AHNAK2: variants seen among roughly 807,000 people sequenced by gnomAD.
AHNAK2 encodes the protein protein AHNAK2.
Under a neutral mutation model 30.7 loss-of-function variants are expected in AHNAK2, and 18 were observed. That is an observed-to-expected ratio of 0.59 (90% CI 0.41 to 0.87). The LOEUF (loss-of-function observed/expected upper bound fraction) is 0.87, where lower values mean the gene tolerates loss of function less well. Ranked by LOEUF, AHNAK2 falls within the 40% of genes least tolerant of loss-of-function variation. The pLI is 0.00. For missense variants in AHNAK2, 8,604 were observed against 7,373.0 expected (o/e 1.17, Z -6.11); for synonymous variants, 3,590 against 3,073.8 (o/e 1.17, Z -5.56).
chr14:104,949,084 C>T lies in AHNAK2; in HGVS notation c.6367G>A (p.Val2123Ile), dbSNP rs369582582. ...TCCAGCTTGGCTCTTGGGGCCTGGA[C>T]GTCCACCTCCATGCTGGGCAGAGAC... The part of the protein sequence containing the change: ...EVSLPSMEVD[V>I]QAPRAKLDSA... The change falls in exon 7 of 7, where the codon GTC (valine) becomes ATC (isoleucine). Residue 2123 changes from valine to isoleucine, a missense_variant. Physicochemically the swap from Val to Ile is conservative, Grantham distance 29. Coordinates refer to ENST00000333244, the MANE Select transcript of AHNAK2 (RefSeq NM_138420.4). 1.5e-5 allele frequency: 16 copies of T among 1,069,766 alleles called. 3 individuals carry two copies. The highest frequency in any genetic ancestry group is 7.0e-5 in the African/African-American group (5 of 71,090). The allele number at this position is 1,069,766 out of a possible 1,614,324, so 66.3% of individuals were successfully genotyped here. A position where few individuals can be genotyped will look rare whatever the true frequency, so the allele number is the denominator to read the frequency against.
Position 104,948,560 on chromosome 14 carries a change from AC to A in AHNAK2, c.6890del (p.Gly2297ValfsTer15), listed in dbSNP as rs1566910008. On this transcript the variant is annotated frameshift_variant, in exon 7 of 7. Transcript: ENST00000333244. LOFTEE classifies it low-confidence loss of function (END_TRUNC). ...DVKAPGAKLD[G>X]ARLEGDMSLA... ...GGGACATGTCCCCCTCCAGCCGCGC[AC>A]CATCCAGCTTGGCTCCTGGGGCCTT... The A allele has an allele frequency of 1.2e-6, 2 of 1,612,186 alleles. No individual in the cohort carries two copies. The highest frequency in any genetic ancestry group is 2.2e-5 in the South Asian group (2 of 91,042).
rs367546618 is a variant in AHNAK2 at position 104,957,605 on chromosome 14, C to T, written c.114+9G>A. On this transcript the variant is annotated intron_variant, in intron 2 of 6. Transcript: ENST00000333244. ...TGAGGAGGACACACTTCCTCCTGCT[C>T]TCACTTACAGAGTGGTCATCTTCCG... is the stretch of plus-strand genomic sequence containing the variant. 1.9e-6 allele frequency: 3 copies of T among 1,610,172 alleles called. No homozygotes were observed. The East Asian group carries it at 6.7e-5, about 36-fold the overall frequency.
At position 104,950,936 on chromosome 14, in the gene AHNAK2, C is replaced by A. The variant is rs202245210; in HGVS notation, c.4515G>T (p.Val1505=). The A allele has an allele frequency of 2.0e-3, 3,149 of 1,540,172 alleles. 252 individuals carry two copies. In the African/African-American group the frequency reaches 0.034, roughly 17 times the overall value. ...MPKFKMPSFG[V]SAPGKSIEAS... ...CCTCGATGGACTTGCCTGGGGCAGA[C>A]ACCCCGAACGACGGCATCTTGAACT... The change falls in exon 7 of 7, where the codon GTG becomes GTT. Residue 1505 remains valine (V), a synonymous_variant. Transcript: ENST00000333244.
chr14:104,938,828 G>A lies in AHNAK2; in HGVS notation c.16623C>T (p.His5541=). 1 of 1,613,962 alleles carries A rather than the reference G, an allele frequency of 6.2e-7. No homozygotes were observed. The stretch of plus-strand genomic sequence containing the variant: ...CTTCTGTGCCCTCCTGAGTCCTAGA[G>A]TGTTGAGTCATTGTTGTGTACACTC... ...QARVYTTMTQ[H]SRTQEGTEEA... Residue 5541 remains histidine, a synonymous_variant, in exon 7 of 7, where the codon CAC becomes CAT. Transcript: ENST00000333244.
At position 104,953,027 on chromosome 14, in the gene AHNAK2, T is replaced by C; in HGVS notation, c.2424A>G (p.Ala808=). 6.2e-7 allele frequency: 1 copy of C among 1,612,468 alleles called. No homozygotes were observed. Among genetic ancestry groups the C allele is most frequent in the South Asian group, 1.1e-5 (1 of 91,026 alleles). Residue 808 remains alanine (A), a synonymous_variant, in exon 7 of 7, where the codon GCA becomes GCG. Transcript: ENST00000333244. ...CCTCCAGCCGCGCACCATCCAGCTT[T>C]GCTCTCGGGGCCTGGACGTCCACCT... The part of the protein sequence containing the change: ...SMEVDVQAPR[A]KLDGARLEGD...
intron 1 of AHNAK2, among the ~76,000 whole-genome samples, chr14:104,972,536 C>T (rs997241393): frequency 2.6e-5 from 4 of 152,178 alleles, no homozygotes; most frequent in African/African-American, 4.8e-5. Context: ...ACCCCAGCTA[C>T]GCCCACCTCA....
chr14:104,947,137 C>T lies in AHNAK2; in HGVS notation c.8314G>A (p.Val2772Met), dbSNP rs1476158732. The change falls in exon 7 of 7, where the codon GTG (valine) becomes ATG (methionine). Residue 2772 changes from valine (V) to methionine (M), a missense_variant. By Grantham distance (21) the Val-to-Met change is conservative (BLOSUM62 1). Coordinates refer to ENST00000333244, the MANE Select transcript of AHNAK2 (RefSeq NM_138420.4). ...GPKAEVTAPD[V>M]KMSLSSMEVD... Reference sequence around the variant, plus strand: ...TCCATGCTGGACAGAGACATCTTCACATCGGGGGCTGTCACTTCCGCCTTG... The same window carrying T: ...TCCATGCTGGACAGAGACATCTTCATATCGGGGGCTGTCACTTCCGCCTTG... 5 of 1,611,926 alleles carry T rather than the reference C, an allele frequency of 3.1e-6. No homozygotes were observed. Among genetic ancestry groups the T allele is most frequent in the Admixed American group, 1.7e-5 (1 of 59,794 alleles).
At position 104,951,113 on chromosome 14, in the gene AHNAK2, T is replaced by G. The variant is rs1003374908; in HGVS notation, c.4338A>C (p.Glu1446Asp). 1 of 1,065,306 alleles carries G rather than the reference T, an allele frequency of 9.4e-7. No homozygotes were observed. The highest frequency in any genetic ancestry group is 2.1e-5 in the Admixed American group (1 of 46,970). 66.0% of individuals were successfully genotyped at this position (1,065,306 alleles called of 1,614,324 possible). ...PKLDLKDPKV[E>D]VTAPDVEVSL... Reference sequence around the variant, plus strand: ...AAACCTCCACATCAGGGGCTGTCACTTCCACCTTGGGGTCTTTTAGGTCCA... The same window carrying G: ...AAACCTCCACATCAGGGGCTGTCACGTCCACCTTGGGGTCTTTTAGGTCCA... Residue 1446 changes from glutamate to aspartate, a missense_variant, in exon 7 of 7, where the codon GAA (glutamate) becomes GAC (aspartate). By Grantham distance (45) the Glu-to-Asp change is conservative. Transcript: ENST00000333244.
Position 104,950,613 on chromosome 14 carries a change from G to C in AHNAK2, c.4838C>G (p.Thr1613Arg), listed in dbSNP as rs369854284. ...CAGAGACATCTTCACATCGGGGGCT[G>C]TCACTTCCACCTTGGGGCCTTTCAG... ...LDLKGPKVEV[T>R]APDVKMSLSS... Residue 1613 changes from threonine to arginine, a missense_variant, in exon 7 of 7, where the codon ACA (threonine) becomes AGA (arginine). Transcript: ENST00000333244. The C allele has an allele frequency of 6.3e-6, 10 of 1,585,512 alleles. 2 individuals carry two copies. The African/African-American group carries it at 8.3e-5, about 13-fold the overall frequency.
In AHNAK2 at chr14:104,950,122, C is replaced by T. The variant is rs776864775; in HGVS notation, c.5329G>A (p.Val1777Met). ...KLDLKGPKAE[V>M]MAPDVEVSLP... The stretch of plus-strand genomic sequence containing the variant: ...GACACCTCCACGTCGGGGGCCATCA[C>T]CTCCGCCTTGGGGCCTTTCAGGTCC... The change falls in exon 7 of 7, where the codon GTG becomes ATG. Residue 1777 changes from valine (V) to methionine (M), a missense_variant. Transcript: ENST00000333244. 2 of 1,587,124 alleles carry T rather than the reference C, an allele frequency of 1.3e-6. No homozygotes were observed. Among genetic ancestry groups the T allele is most frequent in the South Asian group, 1.1e-5 (1 of 89,994 alleles).
chr14:104,950,390 C>G lies in AHNAK2; in HGVS notation c.5061G>C (p.Lys1687Asn). 6.3e-7 allele frequency: 1 copy of G among 1,586,618 alleles called. No individual in the cohort carries two copies. The highest frequency in any genetic ancestry group is 8.6e-7 in the Non-Finnish European group (1 of 1,162,866). The change falls in exon 7 of 7, where the codon AAG (lysine) becomes AAC (asparagine). Residue 1687 changes from lysine to asparagine, a missense_variant. By Grantham distance (94) the Lys-to-Asn change is moderately conservative (BLOSUM62 0). Coordinates refer to ENST00000333244, the MANE Select transcript of AHNAK2 (RefSeq NM_138420.4). ...IEASVDVSEP[K>N]VEADVSLPSM... ...AGGGGAGGCTCACATCAGCTTCCACCTTCGGCTCAGACACATCCACCGAGG... is the reference window on the plus strand; with the variant it reads ...AGGGGAGGCTCACATCAGCTTCCACGTTCGGCTCAGACACATCCACCGAGG...
At position 104,940,875 on chromosome 14, in the gene AHNAK2, T is replaced by C. The variant is rs773496188; in HGVS notation, c.14576A>G (p.Gln4859Arg). 2 of 1,612,838 alleles carry C rather than the reference T, an allele frequency of 1.2e-6. No individual in the cohort carries two copies. The highest frequency in any genetic ancestry group is 1.7e-6 in the Non-Finnish European group (2 of 1,179,714). Residue 4859 changes from glutamine (Q) to arginine (R), a missense_variant, in exon 7 of 7, where the codon CAG (glutamine) becomes CGG (arginine). Transcript: ENST00000333244. This position sits in a 1 kb window ranked among gnomAD's most constrained non-coding sequence, Gnocchi z 4.4. ...LNSMIPVSLG[Q>R]VSFPKFYKPK... ...TTTATAGAATTTAGGAAAAGATACCTGACCAAGAGAAACAGGAATCATGGA... is the reference window on the plus strand; with the variant it reads ...TTTATAGAATTTAGGAAAAGATACCCGACCAAGAGAAACAGGAATCATGGA...
At position 104,940,064 on chromosome 14, in the gene AHNAK2, G is replaced by T. The variant is rs376875331; in HGVS notation, c.15387C>A (p.Thr5129=). The T allele has an allele frequency of 1.9e-6, 3 of 1,611,500 alleles. No homozygotes were observed. The highest frequency in any genetic ancestry group is 2.5e-6 in the Non-Finnish European group (3 of 1,178,498). The change falls in exon 7 of 7, where the codon ACC becomes ACA. Residue 5129 remains threonine, a synonymous_variant. Coordinates refer to ENST00000333244, the MANE Select transcript of AHNAK2 (RefSeq NM_138420.4). This position sits in a 1 kb window ranked among gnomAD's most constrained non-coding sequence, Gnocchi z 4.4. ...DLPLPKHDLS[T]EGDSRGCGLG... ...GCCCACATCCTCTGCTGTCACCTTCGGTAGACAGATCATGTTTGGGAAGAG... is the reference window on the plus strand; with the variant it reads ...GCCCACATCCTCTGCTGTCACCTTCTGTAGACAGATCATGTTTGGGAAGAG...
In AHNAK2 at chr14:104,938,895, G is replaced by A. The variant is rs892118601; in HGVS notation, c.16556C>T (p.Ser5519Phe). 6.2e-7 allele frequency: 1 copy of A among 1,613,712 alleles called. No homozygotes were observed. Among genetic ancestry groups the A allele is most frequent in the Non-Finnish European group, 8.5e-7 (1 of 1,179,852 alleles). Residue 5519 changes from serine to phenylalanine, a missense_variant, in exon 7 of 7, where the codon TCC (serine) becomes TTC (phenylalanine). Ser to Phe is a radical substitution (Grantham distance 155, BLOSUM62 -2). Coordinates refer to ENST00000333244, the MANE Select transcript of AHNAK2 (RefSeq NM_138420.4). ...CTCTGGGATTTTCACTTTTAATAAG[G>A]AAAATCCGTACGAAGGTGTTTGAAT... ...SEIQTPSYGF[S>F]LLKVKIPEPH...
In AHNAK2 at chr14:104,943,774, T is replaced by A. The variant is rs779944595; in HGVS notation, c.11677A>T (p.Ser3893Cys). The A allele has an allele frequency of 5.0e-5, 81 of 1,612,444 alleles. No homozygotes were observed. The highest frequency in any genetic ancestry group is 5.3e-5 in the Non-Finnish European group (62 of 1,179,166). ...AGGTCGACTTTGGGCATCTTGAAAC[T>A]GGGCATCTGCACCTTGGGCAGGTGT... The part of the protein sequence containing the change: ...KGHLPKVQMP[S>C]FKMPKVDLKG... The change falls in exon 7 of 7, where the codon AGT becomes TGT. Residue 3893 changes from serine to cysteine, a missense_variant. Transcript: ENST00000333244.
Position 104,946,748 on chromosome 14 carries a change from C to A in AHNAK2, c.8703G>T (p.Met2901Ile). Residue 2901 changes from methionine (M) to isoleucine (I), a missense_variant, in exon 7 of 7, where the codon ATG becomes ATT. Physicochemically the swap from Met to Ile is conservative, Grantham distance 10. Transcript: ENST00000333244. ...GLKGHLPKVQ[M>I]PSFKMPKVDL... ...CCACTTTGGGCATCTTGAAACTGGGCATCTGCACCTTGGGCAGGTGCCCTT... is the reference window on the plus strand; with the variant it reads ...CCACTTTGGGCATCTTGAAACTGGGAATCTGCACCTTGGGCAGGTGCCCTT... 1 of 1,612,842 alleles carries A rather than the reference C, an allele frequency of 6.2e-7. No homozygotes were observed.
Position 104,940,552 on chromosome 14 carries a change from G to T in AHNAK2, c.14899C>A (p.Pro4967Thr). The change falls in exon 7 of 7, where the codon CCG becomes ACG. Residue 4967 changes from proline to threonine, a missense_variant. Transcript: ENST00000333244. This position sits in a 1 kb window ranked among gnomAD's most constrained non-coding sequence, Gnocchi z 4.4. ...KIKLPSFRWS[P>T]KKETGPKVDP... ...ACCTTTGGCCCTGTTTCCTTCTTCG[G>T]GGACCACCTAAATGATGGAAGCTTA... 6.2e-7 allele frequency: 1 copy of T among 1,613,644 alleles called. No individual in the cohort carries two copies. Among genetic ancestry groups the T allele is most frequent in the Non-Finnish European group, 8.5e-7 (1 of 1,179,812 alleles).
At chr14:104,958,040 G>A (rs373931296) in intron 1 of AHNAK2, among the ~76,000 whole-genome samples, 1 of 152,192 alleles carries the variant, frequency 6.6e-6, no homozygotes, top group African/African-American at 2.4e-5. Flanking sequence ...AAAATTACAA[G>A]TTACGCGAAG....
Position 104,947,156 on chromosome 14 carries a change from C to A in AHNAK2, c.8295G>T (p.Ala2765=). The stretch of plus-strand genomic sequence containing the variant: ...TCTTCACATCGGGGGCTGTCACTTC[C>A]GCCTTGGGGCCTTTCAGGTCCACGT... ...GPNVDLKGPK[A]EVTAPDVKMS... is the part of the protein sequence containing the mutation. Residue 2765 remains alanine (A), a synonymous_variant, in exon 7 of 7, where the codon GCG becomes GCT. Coordinates refer to ENST00000333244, the MANE Select transcript of AHNAK2 (RefSeq NM_138420.4). The A allele has an allele frequency of 6.2e-7, 1 of 1,612,188 alleles. No individual in the cohort carries two copies. The highest frequency in any genetic ancestry group is 1.3e-5 in the African/African-American group (1 of 74,272).
Sources: allele counts gnomAD v4.1 joint callset (sites outside exome capture counted in the v4.1 genomes callset), GRCh38; gene constraint gnomAD v4.1.1; non-coding constraint Gnocchi (gnomAD v3.1); transcripts MANE v1.5; gene names NCBI Gene and HGNC (gene_info 2026-07-23, HGNC 2026-07-21).